Variants in CDH13 observed in about 807,000 individuals in gnomAD.
CDH13 encodes the protein cadherin 13.
CDH13 carries 24 observed loss-of-function variants against 63.8 expected under a neutral mutation model. That is an observed-to-expected ratio of 0.38 (90% CI 0.27 to 0.53). The LOEUF (loss-of-function observed/expected upper bound fraction) is 0.53, where lower values mean the gene tolerates loss of function less well. CDH13 is among the 20% of genes least tolerant of loss of function. The pLI is 0.85. For missense variants in CDH13, 1,049 were observed against 903.1 expected, an observed-to-expected ratio of 1.16 and a Z score of -2.07; for synonymous variants, 503 against 355.3, an observed-to-expected ratio of 1.42 and a Z score of -4.67.
rs145100532 is a variant in CDH13 at position 82,719,236 on chromosome 16, C to T, written c.45+92099C>T. ...CTCAGGAGTTTCCACGAGCAGGAACCTCACATCACTGCCATTGGCCTGTAA... is the reference window on the plus strand; with the variant it reads ...CTCAGGAGTTTCCACGAGCAGGAACTTCACATCACTGCCATTGGCCTGTAA... On this transcript the variant is annotated intron_variant, in intron 1 of 13. Transcript: ENST00000567109. 1.1e-4 allele frequency: 39 copies of T among 344,512 alleles called. No individual in the cohort carries two copies. The East Asian group carries it at 3.1e-3, about 28-fold the overall frequency. The allele number at this position is 344,512 out of a possible 1,614,324, so 21.3% of individuals were successfully genotyped here. A position where few individuals can be genotyped will look rare whatever the true frequency, so the allele number is the denominator to read the frequency against.
intron 2 of CDH13, among the ~76,000 whole-genome samples, chr16:82,889,298 TTA>T (rs2040996611): frequency 8.3e-6 from 1 of 120,824 alleles, no homozygotes; most frequent in Non-Finnish European, 1.9e-5. Flanking sequence ...TGTCTCTCTA[TTA>T]TCTCTCTCTC....
At chr16:83,443,745 TATATATA>T (rs1567676275) in intron 6 of CDH13, among the ~76,000 whole-genome samples, 2,489 of 112,342 alleles carry the variant, frequency 0.022, 123 homozygotes, top group African/African-American at 0.11. Context: ...AATATATATA[TATATATA>T]TATATATATA....
At chr16:83,743,306 G>A (rs1283273766) in intron 10 of CDH13, among the ~76,000 whole-genome samples, 4 of 152,138 alleles carry the variant, frequency 2.6e-5, no homozygotes, top group Non-Finnish European at 5.9e-5. Flanking sequence ...ATTTTTTTAA[G>A]GAGGAAAAAG....
chr16:83,348,946 G>A (rs1033097446), intron 6 of CDH13, among the ~76,000 whole-genome samples: 1 of 152,186 alleles, frequency 6.6e-6, no homozygotes, highest in Non-Finnish European at 1.5e-5. Flanking sequence ...GTTGTGTGAA[G>A]ACAAATTCAT....
At chr16:83,349,523 C>T (rs886431950) in intron 6 of CDH13, among the ~76,000 whole-genome samples, 10 of 152,028 alleles carry the variant, frequency 6.6e-5, no homozygotes, top group African/African-American at 2.2e-4. Flanking sequence ...TTGAGAGGTA[C>T]AGGGACAGAT....
chr16:83,468,791 G>A lies in CDH13; in HGVS notation c.782-17686G>A, dbSNP rs559939786. Reference sequence around the variant, plus strand: ...AATTTTATTTTAAGTTCTGGGATACGTGTGCAGAATGTGCAGGTTTCTTAC... The same window carrying A: ...AATTTTATTTTAAGTTCTGGGATACATGTGCAGAATGTGCAGGTTTCTTAC... On this transcript the variant is annotated intron_variant, in intron 6 of 13. Transcript: ENST00000567109. Among the ~76,000 whole-genome samples, 5 of 152,240 alleles carry A rather than the reference G, an allele frequency of 3.3e-5. No individual in the cohort carries two copies. The East Asian group carries it at 5.8e-4, about 18-fold the overall frequency.
chr16:83,072,662 G>A (rs1043907721), intron 3 of CDH13, among the ~76,000 whole-genome samples: 1 of 152,142 alleles, frequency 6.6e-6, no homozygotes, highest in Non-Finnish European at 1.5e-5. Context: ...GAAATGAGGG[G>A]TTTAATTGCC....
chr16:83,364,146 T>C (rs930234013), intron 6 of CDH13, among the ~76,000 whole-genome samples: 4 of 152,200 alleles, frequency 2.6e-5, no homozygotes, highest in Non-Finnish European at 5.9e-5. Flanking sequence ...CTGCTTCTCA[T>C]GGGGACCAAG....
At chr16:83,472,150 A>G (rs990666252) in intron 6 of CDH13, among the ~76,000 whole-genome samples, 1 of 152,126 alleles carries the variant, frequency 6.6e-6, no homozygotes, top group Non-Finnish European at 1.5e-5. Flanking sequence ...GGTGAAAACC[A>G]TTACTGTCCC....
intron 3 of CDH13, among the ~76,000 whole-genome samples, chr16:83,048,916 C>G (rs2029956695): frequency 6.6e-6 from 1 of 152,082 alleles, no homozygotes; most frequent in Non-Finnish European, 1.5e-5. Context: ...CTCAACATCT[C>G]TATTTCCTTG....
At chr16:82,924,489 C>T (rs759864256) in intron 2 of CDH13, among the ~76,000 whole-genome samples, 1 of 152,132 alleles carries the variant, frequency 6.6e-6, no homozygotes, top group Non-Finnish European at 1.5e-5. Flanking sequence ...TTCTCAGCTG[C>T]GGTGCATTTG....
chr16:82,963,891 T>C (rs542635982), intron 2 of CDH13, among the ~76,000 whole-genome samples: 1 of 152,222 alleles, frequency 6.6e-6, no homozygotes, highest in Non-Finnish European at 1.5e-5. Context: ...GAAAGCCAGG[T>C]CGGAGAATAG....
At chr16:83,530,475 G>C (rs1223640829) in intron 7 of CDH13, among the ~76,000 whole-genome samples, 1 of 152,180 alleles carries the variant, frequency 6.6e-6, no homozygotes, top group Non-Finnish European at 1.5e-5. Context: ...TGTTTCCTGA[G>C]AGCACTGTGG....
At chr16:83,656,181 T>C (rs886322749) in intron 8 of CDH13, among the ~76,000 whole-genome samples, 4 of 152,168 alleles carry the variant, frequency 2.6e-5, no homozygotes, top group Admixed American at 6.5e-5. Context: ...TGGAATCATA[T>C]AGTTTTTAAG....
At chr16:83,245,633 A>G (rs890291184) in intron 5 of CDH13, among the ~76,000 whole-genome samples, 2 of 152,252 alleles carry the variant, frequency 1.3e-5, no homozygotes, top group Non-Finnish European at 2.9e-5. Context: ...TTGTTTCTCA[A>G]TGCAGTAGAC....
intron 3 of CDH13, among the ~76,000 whole-genome samples, chr16:83,075,907 A>G (rs1207799041): frequency 6.6e-6 from 1 of 152,206 alleles, no homozygotes; most frequent in Non-Finnish European, 1.5e-5. Flanking sequence ...AAAATCCTCT[A>G]AACACATACG....
Position 83,768,241 on chromosome 16 carries a change from A to G in CDH13, c.1682-11727A>G, listed in dbSNP as rs895939620. Among the ~76,000 whole-genome samples the G allele has an allele frequency of 6.0e-5, 9 of 150,524 alleles. 1 individual carries two copies. The highest frequency in any genetic ancestry group is 6.8e-3 in the Middle Eastern group (2 of 292). ...TAATGACAAGATATAAAGCACTTAT[A>G]TATATAGCTACTGAACAACAGAACC... On this transcript the variant is annotated intron_variant, in intron 11 of 13. Transcript: ENST00000567109.
intron 1 of CDH13, among the ~76,000 whole-genome samples, chr16:82,838,813 G>A (rs145231292): frequency 5.9e-5 from 9 of 152,224 alleles, no homozygotes; most frequent in South Asian, 4.2e-4. Context: ...CTCTCCAGGC[G>A]GTTTATTCTT....
At chr16:82,738,799 T>G (rs1024377055) in intron 1 of CDH13, among the ~76,000 whole-genome samples, 64 of 152,236 alleles carry the variant, frequency 4.2e-4, no homozygotes, top group African/African-American at 1.5e-3. Flanking sequence ...CCTTGGTGGT[T>G]CCTTTTATCT....
Sources: allele counts gnomAD v4.1 joint callset (sites outside exome capture counted in the v4.1 genomes callset), GRCh38; gene constraint gnomAD v4.1.1; transcripts MANE v1.5; gene names NCBI Gene and HGNC (gene_info 2026-07-23, HGNC 2026-07-21).